NRXN3: variants seen among roughly 807,000 people sequenced by gnomAD.
NRXN3 encodes the protein neurexin 3.
A neutral mutation model predicts 137.6 loss-of-function variants in NRXN3; 32 were observed. The ratio of observed to expected loss-of-function variants is 0.23; its 90% CI spans 0.18 to 0.31. The LOEUF (loss-of-function observed/expected upper bound fraction) is 0.31, where lower values mean the gene tolerates loss of function less well. Ranked by LOEUF, NRXN3 falls within the 10% of genes least tolerant of loss-of-function variation. The pLI is 1.00. For missense variants in NRXN3, 1,574 were observed against 2,062.5 expected (o/e 0.76, Z 4.59); for synonymous variants, 798 against 784.5 (o/e 1.02, Z -0.29).
chr14:79,057,160 G>T (rs765586135), intron 15 of NRXN3, among the ~76,000 whole-genome samples: 1 of 152,194 alleles, frequency 6.6e-6, no homozygotes, highest in African/African-American at 2.4e-5. Context: ...TTCCACATCT[G>T]AGGATTCATG....
chr14:78,190,932 C>T (rs1382837337), intron 1 of NRXN3, among the ~76,000 whole-genome samples: 1 of 152,116 alleles, frequency 6.6e-6, no homozygotes, highest in Non-Finnish European at 1.5e-5. Flanking sequence ...CCTTAGCCTC[C>T]CAAAGTGCTG....
At chr14:78,868,084 A>G (rs1043272101) in intron 10 of NRXN3, among the ~76,000 whole-genome samples, 7 of 150,156 alleles carry the variant, frequency 4.7e-5, no homozygotes, top group African/African-American at 1.7e-4. Flanking sequence ...TTTACTTAAT[A>G]TAAATTATTA....
At chr14:78,976,317 T>C (rs759694483) in intron 14 of NRXN3, among the ~76,000 whole-genome samples, 1 of 152,122 alleles carries the variant, frequency 6.6e-6, no homozygotes, top group Admixed American at 6.5e-5. Flanking sequence ...TTTCTAGAAA[T>C]GTAAGGTGTC....
chr14:78,933,110 C>T (rs1031431475), intron 10 of NRXN3, among the ~76,000 whole-genome samples: 16 of 152,326 alleles, frequency 1.1e-4, no homozygotes, highest in Middle Eastern at 3.4e-3. Context: ...GGTCTCACTT[C>T]GTACTGAAAT....
At chr14:79,226,320 A>G (rs1174028792) in intron 15 of NRXN3, among the ~76,000 whole-genome samples, 1 of 152,240 alleles carries the variant, frequency 6.6e-6, no homozygotes, top group Non-Finnish European at 1.5e-5. Context: ...TGATATGGAA[A>G]TTAAAAATTA....
chr14:78,425,105 A>G (rs569338232), intron 4 of NRXN3, among the ~76,000 whole-genome samples: 1 of 152,346 alleles, frequency 6.6e-6, no homozygotes, highest in East Asian at 1.9e-4. Flanking sequence ...TGGGACTGGA[A>G]GATGTCTTTG....
intron 15 of NRXN3, among the ~76,000 whole-genome samples, chr14:79,225,818 G>A (rs551286010): frequency 2.4e-4 from 36 of 152,266 alleles, no homozygotes; most frequent in African/African-American, 7.7e-4. Flanking sequence ...GAAGGATGGA[G>A]ATCTGGGGTT....
chr14:79,635,029 C>T (rs932684628), intron 16 of NRXN3, among the ~76,000 whole-genome samples: 1 of 152,066 alleles, frequency 6.6e-6, no homozygotes, highest in African/African-American at 2.4e-5. Flanking sequence ...CTAGAGTTAA[C>T]AATAATATAT....
chr14:78,768,510 T>G lies in NRXN3; in HGVS notation c.2045-35110T>G, dbSNP rs567007314. ...TGCAATTTTGGCAAGACCTTGTTTC[T>G]CTAGTTGCATAAGGAATCACTACAT... On this transcript the variant is annotated intron_variant, in intron 8 of 20. Coordinates refer to ENST00000335750, the MANE Select transcript of NRXN3 (RefSeq NM_001330195.2). 2.6e-5 allele frequency among the ~76,000 whole-genome samples: 4 copies of G among 152,312 alleles called. No homozygotes were observed. In the East Asian group the frequency reaches 7.7e-4, roughly 29 times the overall value.
chr14:79,793,293 G>T (rs578247067), intron 19 of NRXN3, among the ~76,000 whole-genome samples: 4 of 151,988 alleles, frequency 2.6e-5, no homozygotes, highest in Non-Finnish European at 5.9e-5. Context: ...AATCAGCCGG[G>T]CGCCCCAGCT....
chr14:78,708,662 G>GC (rs2098380351), intron 6 of NRXN3: 1 of 152,750 alleles, frequency 6.5e-6, no homozygotes, highest in South Asian at 2.1e-4. Flanking sequence ...TACATATAAT[G>GC]CCCCCACGCC....
chr14:78,778,100 A>G (rs12896562), intron 8 of NRXN3, among the ~76,000 whole-genome samples: 10,159 of 152,296 alleles, frequency 0.067, 473 homozygotes, highest in South Asian at 0.17. Context: ...TGTGAAGAGA[A>G]TAAATTGAAA....
intron 15 of NRXN3, among the ~76,000 whole-genome samples, chr14:79,216,082 A>T (rs2068454854): frequency 6.6e-6 from 1 of 152,230 alleles, no homozygotes. Flanking sequence ...TTTGATCTCA[A>T]CTGGGAAGAA....
chr14:79,710,259 C>CA (rs575429917), intron 19 of NRXN3, among the ~76,000 whole-genome samples: 10 of 151,890 alleles, frequency 6.6e-5, no homozygotes, highest in East Asian at 3.9e-4. Context: ...ACCACTTATG[C>CA]AAAAAACAGA....
intron 16 of NRXN3, among the ~76,000 whole-genome samples, chr14:79,561,005 C>T (rs997510801): frequency 6.6e-6 from 1 of 152,172 alleles, no homozygotes; most frequent in Non-Finnish European, 1.5e-5. Flanking sequence ...GATCCCACTG[C>T]AGAGACTGTA....
chr14:79,160,600 G>A (rs2060671222), intron 15 of NRXN3, among the ~76,000 whole-genome samples: 1 of 151,808 alleles, frequency 6.6e-6, no homozygotes, highest in African/African-American at 2.4e-5. Flanking sequence ...AGTAGGTGCT[G>A]TATAAAATCA....
At chr14:79,248,242 A>T (rs2075467414) in intron 15 of NRXN3, among the ~76,000 whole-genome samples, 1 of 152,140 alleles carries the variant, frequency 6.6e-6, no homozygotes, top group African/African-American at 2.4e-5. Context: ...GCCCTTCTTC[A>T]TCTGCTCTCC....
intron 15 of NRXN3, among the ~76,000 whole-genome samples, chr14:79,426,202 C>T (rs1204700879): frequency 2.6e-5 from 4 of 152,130 alleles, no homozygotes; most frequent in Admixed American, 1.3e-4. Flanking sequence ...CTGACAGTAG[C>T]AGATGACACA....
chr14:79,399,232 A>G (rs543513605), intron 15 of NRXN3, among the ~76,000 whole-genome samples: 4 of 152,088 alleles, frequency 2.6e-5, no homozygotes, highest in Non-Finnish European at 5.9e-5. Flanking sequence ...TTGAGTTCCC[A>G]CACTCTTACA....
Sources: gnomAD v4.1 joint callset for allele counts (sites outside exome capture counted in the v4.1 genomes callset) on GRCh38, gnomAD v4.1.1 for gene constraint, MANE v1.5 for transcripts, NCBI Gene and HGNC (gene_info 2026-07-23, HGNC 2026-07-21) for gene names.